PIK3C3: variants seen among roughly 807,000 people sequenced by gnomAD.
PIK3C3 encodes the protein PI3-kinase type 3.
In PIK3C3, 95 loss-of-function variants were observed where a neutral mutation model predicts 126.1. The ratio of observed to expected loss-of-function variants is 0.75; its 90% confidence interval spans 0.64 to 0.89. The LOEUF is 0.89. Ranked by LOEUF, PIK3C3 falls within the 40% of genes least tolerant of loss-of-function variation. The pLI, the probability that PIK3C3 is intolerant of heterozygous loss-of-function variation, is 0.00. For missense variants in PIK3C3, 829 were observed against 1,063.2 expected (o/e 0.78, Z 3.06); for synonymous variants, 374 against 360.0 (o/e 1.04, Z -0.44).
intron 4 of PIK3C3, among the ~76,000 whole-genome samples, chr18:41,983,470 A>G (rs1981309390): frequency 6.6e-6 from 1 of 151,796 alleles, no homozygotes; most frequent in Non-Finnish European, 1.5e-5. Flanking sequence ...GTTTTCCATT[A>G]TGTCTGTCAC....
intron 13 of PIK3C3, among the ~76,000 whole-genome samples, chr18:42,024,405 C>T (rs1035485734): frequency 1.3e-5 from 2 of 151,638 alleles, no homozygotes; most frequent in Admixed American, 1.3e-4. Flanking sequence ...TTTTAGGTGG[C>T]CTTTTTGTTT....
At chr18:41,977,341 G>A (rs192954965) in intron 4 of PIK3C3, among the ~76,000 whole-genome samples, 177 of 152,316 alleles carry the variant, frequency 1.2e-3, no homozygotes, top group Non-Finnish European at 2.1e-3. Context: ...TGAAAAAGGT[G>A]TATGTTGTTC....
rs186181931 is a variant in PIK3C3 at position 42,038,106 on chromosome 18, A to T, written c.1968+286A>T. ...AGTTTCCTTCCTCTTAGTCTATTAAATTTTTTTTAAATCCTTTTAATCCCA... is the reference window on the plus strand; with the variant it reads ...AGTTTCCTTCCTCTTAGTCTATTAATTTTTTTTTAAATCCTTTTAATCCCA... On this transcript the variant is annotated intron_variant, in intron 17 of 24. Coordinates refer to ENST00000262039, the MANE Select transcript of PIK3C3 (RefSeq NM_002647.4). Among the ~76,000 whole-genome samples, 35 of 151,968 alleles carry T rather than the reference A, an allele frequency of 2.3e-4. 1 individual carries two copies. In the East Asian group the frequency reaches 6.4e-3, roughly 28 times the overall value.
chr18:42,000,303 C>T (rs1446396760), intron 9 of PIK3C3, among the ~76,000 whole-genome samples: 1 of 152,178 alleles, frequency 6.6e-6, no homozygotes, highest in Non-Finnish European at 1.5e-5. Flanking sequence ...CAACCTGCCT[C>T]AGCCTCCCAA....
chr18:41,984,356 G>A (rs1337113811), intron 4 of PIK3C3, among the ~76,000 whole-genome samples: 1 of 152,084 alleles, frequency 6.6e-6, no homozygotes, highest in African/African-American at 2.4e-5. Flanking sequence ...TATCTACATT[G>A]TTATCAGCAC....
At chr18:42,036,288 G>A (rs568295789) in intron 16 of PIK3C3, among the ~76,000 whole-genome samples, 1 of 152,098 alleles carries the variant, frequency 6.6e-6, no homozygotes, top group Non-Finnish European at 1.5e-5. Flanking sequence ...TTTTACAGTA[G>A]ACAACCGTGT....
At chr18:42,068,045 G>A (rs984170597) in intron 24 of PIK3C3, among the ~76,000 whole-genome samples, 3 of 152,112 alleles carry the variant, frequency 2.0e-5, no homozygotes, top group Non-Finnish European at 4.4e-5. Flanking sequence ...GTTAGCAAAC[G>A]GAAAAATTAG....
chr18:42,081,082 A>G (rs745956632), intron 24 of PIK3C3, 41 bp from the exon 25 acceptor site: 6 of 1,118,938 alleles, frequency 5.4e-6, no homozygotes, highest in Middle Eastern at 2.0e-4. Flanking sequence ...GTGAATAATT[A>G]AGTAAATTAT....
intron 24 of PIK3C3, among the ~76,000 whole-genome samples, chr18:42,078,540 G>C (rs1241983956): frequency 6.6e-6 from 1 of 151,954 alleles, no homozygotes; most frequent in East Asian, 1.9e-4. Context: ...AATGAACATT[G>C]ACATCAACTA....
rs981761723 is a variant in PIK3C3 at position 42,040,548 on chromosome 18, A to C, written c.2039-129A>C. The C allele has an allele frequency of 1.7e-5, 11 of 648,994 alleles. No homozygotes were observed. The Admixed American group carries it at 2.7e-4, about 16-fold the overall frequency. 40.2% of individuals were successfully genotyped at this position (648,994 alleles called of 1,614,324 possible). A position where few individuals can be genotyped will look rare whatever the true frequency, so the allele number is the denominator to read the frequency against. On this transcript the variant is annotated intron_variant, in intron 18 of 24. Coordinates refer to ENST00000262039, the MANE Select transcript of PIK3C3 (RefSeq NM_002647.4). Reference sequence around the variant, plus strand: ...CCAGTACAAACTTAATGTAGTGTACACTGATCTTTTTAAGTTGTTCAGATA... The same window carrying C: ...CCAGTACAAACTTAATGTAGTGTACCCTGATCTTTTTAAGTTGTTCAGATA...
At chr18:42,036,825 A>T (rs1254483262) in intron 16 of PIK3C3, among the ~76,000 whole-genome samples, 6 of 152,096 alleles carry the variant, frequency 3.9e-5, no homozygotes, top group Admixed American at 3.9e-4. Flanking sequence ...AGCATCTCTA[A>T]TCCAAAAATC....
Position 42,058,048 on chromosome 18 carries a change from G to T in PIK3C3, c.2429G>T (p.Arg810Leu). The T allele has an allele frequency of 6.3e-7, 1 of 1,577,774 alleles. No homozygotes were observed. Among genetic ancestry groups the T allele is most frequent in the Non-Finnish European group, 8.6e-7 (1 of 1,164,740 alleles). ...KQCYTAFLHL[R>L]RYSNLILNLF... ...TGTTACACGGCTTTCCTCCACCTGCGAAGGTAAGTTGATTTGCTTGGCACA... is the reference window on the plus strand; with the variant it reads ...TGTTACACGGCTTTCCTCCACCTGCTAAGGTAAGTTGATTTGCTTGGCACA... Residue 810 changes from arginine (R) to leucine (L), a missense_variant, in exon 22 of 25, where the codon CGA (arginine) becomes CTA (leucine). Coordinates refer to ENST00000262039, the MANE Select transcript of PIK3C3 (RefSeq NM_002647.4).
Position 42,013,563 on chromosome 18 carries a change from C to G in PIK3C3, c.1292C>G (p.Ser431Ter). ...CAGAGTTCAGTGTCAGAAAATGTGTCAAATTCTGGAATAAATTCTGCAGAA... is the reference window on the plus strand; with the variant it reads ...CAGAGTTCAGTGTCAGAAAATGTGTGAAATTCTGGAATAAATTCTGCAGAA... ...DSQSSVSENVSNSGINSAEID... is the reference protein window; with the variant it reads ...DSQSSVSENV The change falls in exon 11 of 25, where the codon TCA (serine) becomes TGA (stop). Residue 431 changes from serine to a stop codon, truncating the protein, a stop_gained. Transcript: ENST00000262039. LOFTEE classifies it high-confidence loss of function. The G allele has an allele frequency of 6.2e-7, 1 of 1,603,698 alleles. No individual in the cohort carries two copies. The highest frequency in any genetic ancestry group is 8.5e-7 in the Non-Finnish European group (1 of 1,174,034).
rs1281438259 is a variant in PIK3C3, at chr18:42,064,844, A to T, written c.2523+14A>T. On this transcript the variant is annotated intron_variant, in intron 23 of 24. Coordinates refer to ENST00000262039, the MANE Select transcript of PIK3C3 (RefSeq NM_002647.4). Reference sequence around the variant, plus strand: ...ACTGTGAAAAAGGTAATTTTTAAGTAACATAAATGAAGAGCTCTTCTGTAT... The same window carrying T: ...ACTGTGAAAAAGGTAATTTTTAAGTTACATAAATGAAGAGCTCTTCTGTAT... 1 of 1,329,544 alleles carries T rather than the reference A, an allele frequency of 7.5e-7. No individual in the cohort carries two copies. The highest frequency in any genetic ancestry group is 1.4e-5 in the African/African-American group (1 of 69,372). 82.4% of individuals were successfully genotyped at this position (1,329,544 alleles called of 1,614,324 possible).
At chr18:41,969,250 G>A (rs1031242847) in intron 3 of PIK3C3, among the ~76,000 whole-genome samples, 6 of 151,942 alleles carry the variant, frequency 3.9e-5, no homozygotes. Flanking sequence ...ATTTCTAAGA[G>A]TAAGAAATAA....
intron 13 of PIK3C3, among the ~76,000 whole-genome samples, chr18:42,021,964 C>CT (rs1054743818): frequency 6.6e-6 from 1 of 152,086 alleles, no homozygotes; most frequent in African/African-American, 2.4e-5. Flanking sequence ...AGGTATTTTG[C>CT]TTTTTGTGAG....
At chr18:42,060,989 A>T (rs945546209) in intron 22 of PIK3C3, among the ~76,000 whole-genome samples, 1 of 152,230 alleles carries the variant, frequency 6.6e-6, no homozygotes, top group African/African-American at 2.4e-5. Context: ...TAGAATGTAG[A>T]GGAAATACAT....
intron 13 of PIK3C3, chr18:42,025,820 A>G (rs1421712413): frequency 6.6e-6 from 1 of 152,184 alleles, no homozygotes; most frequent in East Asian, 1.9e-4. Flanking sequence ...CAATAATGAG[A>G]TAGTAGCTAA....
chr18:42,029,294 A>G, intron 14 of PIK3C3, 31 bp from the exon 15 acceptor site: 1 of 1,327,216 alleles, frequency 7.5e-7, no homozygotes, highest in Non-Finnish European at 1.1e-6. Flanking sequence ...CGCAACATAG[A>G]ACTAATTTTT....
Sources: gnomAD v4.1 joint callset for allele counts (sites outside exome capture counted in the v4.1 genomes callset) on GRCh38, gnomAD v4.1.1 for gene constraint, MANE v1.5 for transcripts, NCBI Gene and HGNC (gene_info 2026-07-23, HGNC 2026-07-21) for gene names.